DYNC2LI1: variants seen among roughly 807,000 people sequenced by gnomAD.
The protein encoded by DYNC2LI1 is cytoplasmic dynein 2 light intermediate chain 1.
DYNC2LI1 carries 45 observed loss-of-function variants against 51.9 expected under a neutral mutation model. That is an observed-to-expected ratio of 0.87 (90% confidence interval 0.68 to 1.11). The LOEUF (loss-of-function observed/expected upper bound fraction) is 1.11. Among genes scored for constraint, DYNC2LI1 ranks in the 50% most tolerant of loss-of-function variants. DYNC2LI1 has a pLI of 0.00. For synonymous variants in DYNC2LI1, 130 were observed against 137.8 expected (o/e 0.94, Z 0.40); for missense variants, 490 against 417.4 (o/e 1.17, Z -1.51).
intron 2 of DYNC2LI1, among the ~76,000 whole-genome samples, chr2:43,780,528 G>A (rs1428756411): frequency 1.3e-5 from 2 of 152,196 alleles, no homozygotes; most frequent in South Asian, 2.1e-4. Context: ...GGACCCTAAT[G>A]TATGTAGGGT....
At chr2:43,785,481 C>A (rs13413826) in intron 3 of DYNC2LI1, among the ~76,000 whole-genome samples, 17,737 of 151,946 alleles carry the variant, frequency 0.12, 1,328 homozygotes, top group Admixed American at 0.21. Context: ...CACCTGTAAT[C>A]CCAGCACTCT....
intron 9 of DYNC2LI1, 43 bp from the exon 10 acceptor site, chr2:43,801,596 C>G: frequency 6.8e-7 from 1 of 1,478,224 alleles, no homozygotes; most frequent in Non-Finnish European, 9.4e-7. Context: ...GGCAGCAAAT[C>G]TAATTGCTAA....
chr2:43,798,852 C>A (rs1218412629), intron 8 of DYNC2LI1, among the ~76,000 whole-genome samples: 1 of 152,134 alleles, frequency 6.6e-6, no homozygotes, highest in Non-Finnish European at 1.5e-5. Context: ...TCTCTTCTTA[C>A]CCTCTGCCCC....
chr2:43,777,298 G>A (rs1027334721), intron 2 of DYNC2LI1, among the ~76,000 whole-genome samples: 1 of 152,082 alleles, frequency 6.6e-6, no homozygotes, highest in Non-Finnish European at 1.5e-5. Context: ...TTTGTTACAG[G>A]GTTATTAATT....
chr2:43,804,768 A>C (rs1329465325), intron 11 of DYNC2LI1, 29 bp downstream of exon 11: 2 of 1,455,174 alleles, frequency 1.4e-6, no homozygotes, highest in African/African-American at 1.4e-5. Flanking sequence ...TTTAAAAGCA[A>C]GACTTTTAGC....
At chr2:43,794,255 C>G (rs1673926401) in intron 5 of DYNC2LI1, 2 of 513,750 alleles carry the variant, frequency 3.9e-6, no homozygotes, top group Non-Finnish European at 6.7e-6. Flanking sequence ...TATTGTAACA[C>G]TTAAATATTA....
chr2:43,783,788 C>T (rs1260927192), intron 3 of DYNC2LI1, among the ~76,000 whole-genome samples: 1 of 152,030 alleles, frequency 6.6e-6, no homozygotes, highest in African/African-American at 2.4e-5. Context: ...GAAATGTTAC[C>T]ATAATTACCC....
At position 43,784,186 on chromosome 2, in the gene DYNC2LI1, CT is replaced by C. The variant is rs1673415607; in HGVS notation, c.161+633del. ...TTAAGGTCACATTAAAGAAACATCA[CT>C]CATTTGAAAAATATTTTTAAAGGAT... On this transcript the variant is annotated intron_variant, in intron 3 of 12. Transcript: ENST00000260605. 2.0e-5 allele frequency among the ~76,000 whole-genome samples: 3 copies of C among 152,164 alleles called. No individual in the cohort carries two copies. In the South Asian group the frequency reaches 6.2e-4, roughly 32 times the overall value.
chr2:43,824,855 C>T, the DYNC2LI1 span: 1 of 1,612,478 alleles, frequency 6.2e-7, no homozygotes, highest in East Asian at 2.2e-5. Context: ...GTTTAAAAAA[C>T]ATTCATGATG....
chr2:43,820,141 A>C, the DYNC2LI1 span: 2 of 1,588,332 alleles, frequency 1.3e-6, no homozygotes, highest in Non-Finnish European at 1.7e-6. Flanking sequence ...TCCAAGGGCT[A>C]TCATTTAAGA....
intron 4 of DYNC2LI1, among the ~76,000 whole-genome samples, chr2:43,789,099 C>G (rs187982362): frequency 6.6e-6 from 1 of 152,198 alleles, no homozygotes; most frequent in Non-Finnish European, 1.5e-5. Flanking sequence ...GAATCAGGAA[C>G]AAATCGTCTG....
At chr2:43,800,600 T>C (rs924760284) in intron 8 of DYNC2LI1, among the ~76,000 whole-genome samples, 1 of 152,166 alleles carries the variant, frequency 6.6e-6, no homozygotes, top group African/African-American at 2.4e-5. Context: ...GTAGCTGAAA[T>C]GATGAGTACA....
chr2:43,807,893 G>GT (rs1280245366), intron 12 of DYNC2LI1, among the ~76,000 whole-genome samples: 3 of 151,568 alleles, frequency 2.0e-5, no homozygotes, highest in African/African-American at 4.8e-5. Context: ...TCATTGTCAT[G>GT]TTGAAGATCT....
At chr2:43,815,910 G>GAAA in the DYNC2LI1 span, among the ~76,000 whole-genome samples, 2,705 of 104,000 alleles carry the variant, frequency 0.026, 83 homozygotes, top group East Asian at 0.072. Context: ...AACAGGAAAA[G>GAAA]AAAAAAAAAA....
At chr2:43,789,746 C>T (rs3815994) in intron 5 of DYNC2LI1, 25 bp downstream of exon 5, 4 of 1,597,784 alleles carry the variant, frequency 2.5e-6, no homozygotes, top group Non-Finnish European at 3.4e-6. Context: ...TCCAGGAAAA[C>T]CTGTAAGTAC....
At chr2:43,780,579 AG>A (rs1180340144) in intron 2 of DYNC2LI1, among the ~76,000 whole-genome samples, 1 of 152,126 alleles carries the variant, frequency 6.6e-6, no homozygotes, top group Non-Finnish European at 1.5e-5. Context: ...CTGCAGAGGA[AG>A]GGGTTCAGGG....
chr2:43,821,321 G>C, the DYNC2LI1 span, among the ~76,000 whole-genome samples: 1 of 152,150 alleles, frequency 6.6e-6, no homozygotes, highest in Non-Finnish European at 1.5e-5. Context: ...TTTTCCTCAA[G>C]CTCTTTAACC....
At chr2:43,792,836 C>T (rs1673855601) in intron 5 of DYNC2LI1, 3 of 1,506,690 alleles carry the variant, frequency 2.0e-6, no homozygotes, top group Non-Finnish European at 8.8e-7. Flanking sequence ...GGATTTCCCT[C>T]ACTTCTAAGG....
At chr2:43,791,491 C>A (rs902476866) in intron 5 of DYNC2LI1, among the ~76,000 whole-genome samples, 44 of 152,156 alleles carry the variant, frequency 2.9e-4, no homozygotes, top group African/African-American at 1.1e-3. Flanking sequence ...TTCCCTGGAG[C>A]CCCATGACAG....
Sources: allele counts gnomAD v4.1 joint callset (sites outside exome capture counted in the v4.1 genomes callset), GRCh38; gene constraint gnomAD v4.1.1; transcripts MANE v1.5; gene names NCBI Gene and HGNC (gene_info 2026-07-23, HGNC 2026-07-21).